Variants in SEC16B observed in about 807,000 individuals in gnomAD.
SEC16B encodes protein transport protein Sec16B.
A neutral mutation model predicts 141.8 loss-of-function variants in SEC16B; 115 were observed. That is an observed-to-expected ratio of 0.81 (90% CI 0.70 to 0.95). The LOEUF is 0.95. Among genes scored for constraint, SEC16B ranks in the 40% least tolerant of loss-of-function variants. SEC16B has a pLI of 0.00. For missense variants in SEC16B, 1,291 were observed against 1,312.3 expected (o/e 0.98, Z 0.25); for synonymous variants, 493 against 492.5 (o/e 1.00, Z -0.01).
intron 1 of SEC16B, among the ~76,000 whole-genome samples, chr1:177,979,897 GC>G (rs778578701): frequency 4.6e-5 from 7 of 152,138 alleles, no homozygotes; most frequent in Non-Finnish European, 8.8e-5. Context: ...GGAAAGACTT[GC>G]CCCCAGGATT....
intron 10 of SEC16B, among the ~76,000 whole-genome samples, chr1:177,955,730 T>C (rs1360356347): frequency 6.6e-6 from 1 of 152,246 alleles, no homozygotes; most frequent in East Asian, 1.9e-4. Flanking sequence ...TTTGCATTGC[T>C]GGTAGAGTGA....
chr1:177,938,133 C>T (rs1651003199), intron 18 of SEC16B, among the ~76,000 whole-genome samples: 1 of 152,168 alleles, frequency 6.6e-6, no homozygotes, highest in Admixed American at 6.5e-5. Context: ...CAACTCATTC[C>T]ATTCACAAAT....
Position 177,929,667 on chromosome 1 carries a change from A to G in SEC16B, c.*191T>C. On this transcript the variant is annotated 3_prime_UTR_variant, in exon 26 of 26. Transcript: ENST00000308284. ...AATAATTTCCATCATTGTGAAGCTA[A>G]TCTTAAGAGACTGAATTGTGCTGTG... The G allele has an allele frequency of 1.6e-6, 1 of 608,780 alleles. No homozygotes were observed. The highest frequency in any genetic ancestry group is 2.8e-5 in the East Asian group (1 of 35,610). The allele number at this position is 608,780 out of a possible 1,614,324, so 37.7% of individuals were successfully genotyped here.
intron 12 of SEC16B, among the ~76,000 whole-genome samples, 154 bp from the exon 13 acceptor site, chr1:177,948,096 C>T (rs901767229): frequency 1.3e-5 from 2 of 152,190 alleles, no homozygotes; most frequent in Non-Finnish European, 2.9e-5. Context: ...GAGCTCTCAT[C>T]TTTAAAAAAG....
chr1:177,966,384 C>T (rs529486636), intron 2 of SEC16B, among the ~76,000 whole-genome samples: 58 of 152,070 alleles, frequency 3.8e-4, no homozygotes, highest in African/African-American at 1.4e-3. Flanking sequence ...TGTGTTAAGT[C>T]TCCAATACAC....
chr1:177,973,344 A>G (rs1301565131), upstream of SEC16B: 1 of 152,238 alleles, frequency 6.6e-6, no homozygotes, highest in Non-Finnish European at 1.5e-5. Context: ...AGTTGAGAAG[A>G]TCTACATCAA....
At chr1:177,937,142 C>T in intron 19 of SEC16B, 72 bp downstream of exon 19, 1 of 1,492,750 alleles carries the variant, frequency 6.7e-7, no homozygotes, top group Non-Finnish European at 9.0e-7. Context: ...CTGGTCCCAC[C>T]ACCTCCCTTT....
intron 11 of SEC16B, among the ~76,000 whole-genome samples, chr1:177,953,052 C>T (rs1652329498): frequency 6.9e-6 from 1 of 144,968 alleles, no homozygotes; most frequent in Non-Finnish European, 1.5e-5. Flanking sequence ...GTCACCCAGG[C>T]TGGAGTGCAA....
intron 1 of SEC16B, among the ~76,000 whole-genome samples, chr1:177,982,031 A>G (rs1654439587): frequency 6.6e-6 from 1 of 152,254 alleles, no homozygotes; most frequent in Non-Finnish European, 1.5e-5. Flanking sequence ...AAGAGAAGTA[A>G]TGAAGACTAA....
chr1:177,933,766 G>A (rs944074947), intron 20 of SEC16B, 130 bp from the exon 21 acceptor site: 6 of 911,934 alleles, frequency 6.6e-6, no homozygotes, highest in African/African-American at 3.3e-5. Context: ...TTGTACTGAA[G>A]AGGAAGGAAG....
rs533805401 is a variant in SEC16B at position 177,938,404 on chromosome 1, C to T, written c.2204-891G>A. Among the ~76,000 whole-genome samples the T allele has an allele frequency of 2.6e-4, 40 of 152,338 alleles. 1 individual carries two copies. The South Asian group carries it at 7.9e-3, about 30-fold the overall frequency. On this transcript the variant is annotated intron_variant, in intron 18 of 25. Transcript: ENST00000308284. ...TGTTACACGCACATTAGTTCATTAT[C>T]CATGTGTGAGGACCTCCTTTGTGAA...
intron 1 of SEC16B, among the ~76,000 whole-genome samples, chr1:177,983,201 T>C (rs1654492086): frequency 1.3e-5 from 2 of 152,222 alleles, no homozygotes; most frequent in Admixed American, 1.3e-4. Flanking sequence ...TCCATCCCAA[T>C]GCATTCATTT....
At chr1:177,931,229 A>G (rs561837193) in intron 24 of SEC16B, among the ~76,000 whole-genome samples, 1 of 152,334 alleles carries the variant, frequency 6.6e-6, no homozygotes, top group South Asian at 2.1e-4. Flanking sequence ...TATACGATGG[A>G]ATACACTCAG....
At position 177,937,202 on chromosome 1, in the gene SEC16B, G is replaced by A; in HGVS notation, c.2503+12C>T. 1 of 1,599,076 alleles carries A rather than the reference G, an allele frequency of 6.3e-7. No individual in the cohort carries two copies. The highest frequency in any genetic ancestry group is 8.5e-7 in the Non-Finnish European group (1 of 1,172,654). ...TACATTCAATGTGGCCACCCTAGCGGCCAGGTCTTACCAGGGCCCAGGTGT... is the reference window on the plus strand; with the variant it reads ...TACATTCAATGTGGCCACCCTAGCGACCAGGTCTTACCAGGGCCCAGGTGT... On this transcript the variant is annotated intron_variant, in intron 19 of 25. Transcript: ENST00000308284.
chr1:177,946,355 C>G, intron 14 of SEC16B, 65 bp downstream of exon 14: 1 of 1,209,662 alleles, frequency 8.3e-7, no homozygotes, highest in Middle Eastern at 1.9e-4. Context: ...CCATAAAACC[C>G]AACAAGGGCT....
chr1:177,983,917 TCC>T (rs1654526464), intron 1 of SEC16B, among the ~76,000 whole-genome samples: 1 of 152,026 alleles, frequency 6.6e-6, no homozygotes, highest in Admixed American at 6.6e-5. Context: ...ATCCATTCCA[TCC>T]CCCAGGGAAC....
Position 177,967,717 on chromosome 1 carries a change from A to G in SEC16B, c.265T>C (p.Tyr89His). 2 of 1,609,378 alleles carry G rather than the reference A, an allele frequency of 1.2e-6. No individual in the cohort carries two copies. The highest frequency in any genetic ancestry group is 2.2e-5 in the South Asian group (2 of 90,870). Residue 89 changes from tyrosine (Y) to histidine (H), a missense_variant, in exon 2 of 26, where the codon TAC (tyrosine) becomes CAC (histidine). By Grantham distance (83) the Tyr-to-His change is moderately conservative (BLOSUM62 2). Transcript: ENST00000308284. Reference protein sequence around the residue: ...WHQPVSGVDYYEGGYRNQLYS... With the variant: ...WHQPVSGVDYHEGGYRNQLYS... ...AACTGATTGCGATAACCACCTTCGT[A>G]ATAGTCAACTCCAGACACAGGCTGA...
chr1:177,955,678 T>C (rs1652546243), intron 10 of SEC16B, among the ~76,000 whole-genome samples: 1 of 152,158 alleles, frequency 6.6e-6, no homozygotes, highest in Non-Finnish European at 1.5e-5. Context: ...ATCAAAGAGT[T>C]TGAAACACAC....
At chr1:177,959,926 C>T (rs2101978671) in intron 8 of SEC16B, 1 of 213,960 alleles carries the variant, frequency 4.7e-6, no homozygotes, top group East Asian at 1.2e-4. Flanking sequence ...TGTTCTGTAA[C>T]TTGAACACTG....
Sources: gnomAD v4.1 joint callset for allele counts (sites outside exome capture counted in the v4.1 genomes callset) on GRCh38, gnomAD v4.1.1 for gene constraint, MANE v1.5 for transcripts, NCBI Gene and HGNC (gene_info 2026-07-23, HGNC 2026-07-21) for gene names.